ABCC5: variants seen among roughly 807,000 people sequenced by gnomAD.
ABCC5 encodes the protein ATP-binding cassette sub-family C member 5.
ABCC5 carries 61 observed loss-of-function variants against 160.9 expected under a neutral mutation model. That is an observed-to-expected ratio of 0.38 (90% CI 0.31 to 0.47). The LOEUF (loss-of-function observed/expected upper bound fraction) is 0.47. Ranked by LOEUF, ABCC5 falls within the 20% of genes least tolerant of loss-of-function variation. The probability of loss-of-function intolerance (pLI) is 0.99; values close to 1 mark genes in which losing one functional copy is unlikely to be tolerated. For synonymous variants in ABCC5, 666 were observed against 700.6 expected (o/e 0.95, Z 0.78); for missense variants, 1,308 against 1,813.3 (o/e 0.72, Z 5.06).
intron 29 of ABCC5, 114 bp downstream of exon 29, chr3:183,925,441 G>T: frequency 9.3e-7 from 1 of 1,076,132 alleles, no homozygotes; most frequent in Non-Finnish European, 1.3e-6. Flanking sequence ...TAGCGCTGCT[G>T]CAAGTGCTTA....
At chr3:183,922,249 G>A (rs535409502) in intron 29 of ABCC5, among the ~76,000 whole-genome samples, 1 of 151,410 alleles carries the variant, frequency 6.6e-6, no homozygotes, top group East Asian at 2.0e-4. Flanking sequence ...GTGCATGCCT[G>A]TAATCCCAGC....
At chr3:183,930,966 C>T (rs1369641031) in intron 26 of ABCC5, among the ~76,000 whole-genome samples, 2 of 152,160 alleles carry the variant, frequency 1.3e-5, no homozygotes, top group Admixed American at 6.5e-5. Flanking sequence ...CAGGGAGCCC[C>T]GGTGGATGCC....
chr3:184,014,018 G>A lies in ABCC5; in HGVS notation c.129+246C>T, dbSNP rs190571237. Among the ~76,000 whole-genome samples, 1,460 of 152,092 alleles carry A rather than the reference G, an allele frequency of 9.6e-3. 19 individuals carry two copies. Among genetic ancestry groups the A allele is most frequent in the Middle Eastern group, 0.034 (10 of 292 alleles). ...CTCGCAAGTATCTGGGATTATAGGC[G>A]CCCGCCACCACGCCTGGCTAATTTT... On this transcript the variant is annotated intron_variant, in intron 2 of 29. Transcript: ENST00000334444.
intron 10 of ABCC5, among the ~76,000 whole-genome samples, chr3:183,973,270 G>A (rs1463086452): frequency 2.0e-5 from 3 of 149,758 alleles, no homozygotes; most frequent in Admixed American, 2.0e-4. Flanking sequence ...TAGCCAGGAT[G>A]TCTAGATCTC....
chr3:184,009,974 G>A (rs1721569840), intron 2 of ABCC5: 1 of 434,112 alleles, frequency 2.3e-6, no homozygotes, highest in Non-Finnish European at 4.6e-6. Flanking sequence ...CAGTGAGAGT[G>A]CCTCTACAAA....
At position 183,987,814 on chromosome 3, in the gene ABCC5, T is replaced by C; in HGVS notation, c.547A>G (p.Ile183Val). The change falls in exon 5 of 30, where the codon ATC (isoleucine) becomes GTC (valine). Residue 183 changes from isoleucine (I) to valine (V), a missense_variant. Physicochemically the swap from Ile to Val is conservative, Grantham distance 29 (BLOSUM62 3). This residue lies in a region of ABCC5 where 1,142 missense variants were observed against 1,527.1 expected (regional missense o/e 0.75). Transcript: ENST00000334444. This position sits in a 1 kb window ranked among gnomAD's most constrained non-coding sequence, Gnocchi z 4.2. ...IFCRTRLILS[I>V]VCLMITQLAG... ...AGCTGCGTGATCATCAGGCACACGA[T>C]GGACAGGATGAGCCTGGTGCGGCAG... 1.9e-6 allele frequency: 3 copies of C among 1,614,212 alleles called. No homozygotes were observed. Among genetic ancestry groups the C allele is most frequent in the Non-Finnish European group, 2.5e-6 (3 of 1,180,040 alleles).
chr3:183,959,700 G>T, intron 17 of ABCC5, 33 bp downstream of exon 17: 2 of 1,480,454 alleles, frequency 1.4e-6, no homozygotes, highest in South Asian at 2.4e-5. Flanking sequence ...AAACTTTGAT[G>T]ACAAATCTAA....
chr3:183,957,314 C>T, intron 17 of ABCC5, among the ~76,000 whole-genome samples: 1 of 110,722 alleles, frequency 9.0e-6, no homozygotes, highest in East Asian at 3.7e-4. Context: ...GTGTGTAAAT[C>T]ACATCGGTTA....
chr3:183,944,263 G>A (rs1370682509), intron 24 of ABCC5, among the ~76,000 whole-genome samples: 5 of 152,046 alleles, frequency 3.3e-5, no homozygotes, highest in East Asian at 1.9e-4. Flanking sequence ...GCCTAGTGGC[G>A]CATGCCTGTA....
At chr3:183,937,306 G>A (rs2108774569) in intron 26 of ABCC5, among the ~76,000 whole-genome samples, 1 of 152,360 alleles carries the variant, frequency 6.6e-6, no homozygotes, top group East Asian at 1.9e-4. Context: ...GAACCCAGGA[G>A]GCGGAGGTTG....
chr3:184,011,323 G>A (rs7624838), intron 2 of ABCC5: 50,908 of 151,856 alleles, frequency 0.34, 8,784 homozygotes, highest in East Asian at 0.43. Context: ...CTCAAACATC[G>A]TAGCCATTAG....
chr3:184,005,787 T>TA (rs970160794), intron 2 of ABCC5, among the ~76,000 whole-genome samples: 1 of 150,130 alleles, frequency 6.7e-6, no homozygotes, highest in Non-Finnish European at 1.5e-5. Context: ...TAATAATAAC[T>TA]AAAAAAAAGA....
Position 183,976,730 on chromosome 3 carries a change from A to C in ABCC5, c.1404+787T>G, listed in dbSNP as rs62285808. On this transcript the variant is annotated intron_variant, in intron 10 of 29. Transcript: ENST00000334444. ...TCAAACATGTGAGCTTCAAGCCTTC[A>C]CATCACCAAAATTGCTTTCTTATTC... 3.3e-3 allele frequency among the ~76,000 whole-genome samples: 505 copies of C among 152,326 alleles called. 2 individuals are homozygous for C. Among genetic ancestry groups the C allele is most frequent in the Admixed American group, 0.011 (172 of 15,284 alleles).
At chr3:183,952,902 T>C (rs904571454) in intron 18 of ABCC5, among the ~76,000 whole-genome samples, 184 bp downstream of exon 18, 2 of 152,214 alleles carry the variant, frequency 1.3e-5, no homozygotes, top group Admixed American at 1.3e-4. Flanking sequence ...CCCTGTGGGT[T>C]GGTCAGCGTT....
chr3:184,012,330 C>CT (rs1357140757), intron 2 of ABCC5, among the ~76,000 whole-genome samples: 7 of 152,164 alleles, frequency 4.6e-5, no homozygotes, highest in East Asian at 3.9e-4. Context: ...TTTCACCCGA[C>CT]CTATAATCTC....
At chr3:183,931,839 T>C (rs2108766147) in intron 26 of ABCC5, among the ~76,000 whole-genome samples, 1 of 152,300 alleles carries the variant, frequency 6.6e-6, no homozygotes, top group African/African-American at 2.4e-5. Context: ...TGGTCCTGGG[T>C]CTGACCCACA....
At position 183,989,453 on chromosome 3, in the gene ABCC5, G is replaced by A. The variant is rs183650552; in HGVS notation, c.130-70C>T. ...CAGGCGAGAGGCAAACGGAACTGATGAAACAGCTCAAACTGCAAACTGGAC... is the reference window on the plus strand; with the variant it reads ...CAGGCGAGAGGCAAACGGAACTGATAAAACAGCTCAAACTGCAAACTGGAC... On this transcript the variant is annotated intron_variant, in intron 2 of 29. Coordinates refer to ENST00000334444, the MANE Select transcript of ABCC5 (RefSeq NM_005688.4). 3.3e-4 allele frequency: 513 copies of A among 1,532,916 alleles called. 3 individuals are homozygous for A. In the African/African-American group the frequency reaches 5.7e-3, roughly 17 times the overall value. 95.0% of individuals were successfully genotyped at this position (1,532,916 alleles called of 1,614,324 possible). A position where few individuals can be genotyped will look rare whatever the true frequency, so the allele number is the denominator to read the frequency against.
intron 26 of ABCC5, among the ~76,000 whole-genome samples, chr3:183,930,436 G>C (rs1713066382): frequency 6.6e-6 from 1 of 152,196 alleles, no homozygotes; most frequent in Non-Finnish European, 1.5e-5. Context: ...AGTTTAATGG[G>C]TTGACCTGTG....
chr3:183,984,893 G>A, intron 5 of ABCC5: 1 of 1,572,332 alleles, frequency 6.4e-7, no homozygotes, highest in Non-Finnish European at 8.6e-7. Flanking sequence ...TCCAAAGGAA[G>A]GCTGAAAGGA....
Sources: gnomAD v4.1 joint callset for allele counts (sites outside exome capture counted in the v4.1 genomes callset) on GRCh38, gnomAD v4.1.1 for gene constraint, gnomAD v4.1.1 regional missense constraint, Gnocchi (gnomAD v3.1) non-coding constraint, MANE v1.5 for transcripts, NCBI Gene and HGNC (gene_info 2026-07-23, HGNC 2026-07-21) for gene names.